ARHGAP29: variants seen among roughly 807,000 people sequenced by gnomAD.
The protein encoded by ARHGAP29 is Rho GTPase activating protein 29.
ARHGAP29 carries 43 observed loss-of-function variants against 122.6 expected under a neutral mutation model. The ratio of observed to expected loss-of-function variants is 0.35; its 90% CI spans 0.27 to 0.45. The LOEUF is 0.45. Ranked by LOEUF, ARHGAP29 falls within the 20% of genes least tolerant of loss-of-function variation. The pLI is 1.00. For synonymous variants in ARHGAP29, 506 were observed against 497.1 expected (o/e 1.02, Z -0.24); for missense variants, 1,303 against 1,477.2 (o/e 0.88, Z 1.93).
At chr1:94,257,046 T>A (rs1557891651) in intron 1 of ARHGAP29, among the ~76,000 whole-genome samples, 2 of 152,028 alleles carry the variant, frequency 1.3e-5, no homozygotes, top group Admixed American at 6.5e-5. Flanking sequence ...AAATTAAGAA[T>A]TTTCAAAGAA....
At chr1:94,271,526 T>A (rs1428898633) in intron 1 of ARHGAP29, among the ~76,000 whole-genome samples, 1 of 152,192 alleles carries the variant, frequency 6.6e-6, no homozygotes, top group East Asian at 1.9e-4. Context: ...GGAGCCAGAT[T>A]AGAAACTGTC....
At chr1:94,218,554 C>T (rs1652094805) in intron 3 of ARHGAP29, among the ~76,000 whole-genome samples, 1 of 152,152 alleles carries the variant, frequency 6.6e-6, no homozygotes, top group Non-Finnish European at 1.5e-5. Context: ...AACTAGGTCG[C>T]TATTTCCAAG....
chr1:94,288,674 A>G, the ARHGAP29 span, among the ~76,000 whole-genome samples: 2 of 152,268 alleles, frequency 1.3e-5, no homozygotes, highest in East Asian at 1.9e-4. Flanking sequence ...TAATTTTTGT[A>G]TAAGGTGTAA....
the ARHGAP29 span, among the ~76,000 whole-genome samples, chr1:94,296,848 A>C: frequency 6.6e-6 from 1 of 152,248 alleles, no homozygotes; most frequent in Non-Finnish European, 1.5e-5. Flanking sequence ...TTGAGATTCA[A>C]GTCTCAAATA....
At chr1:94,282,174 C>T in the ARHGAP29 span, among the ~76,000 whole-genome samples, 1 of 149,744 alleles carries the variant, frequency 6.7e-6, no homozygotes, top group Non-Finnish European at 1.5e-5. Context: ...GAGCCCACAA[C>T]CTTGTCTTTT....
intron 5 of ARHGAP29, among the ~76,000 whole-genome samples, chr1:94,208,467 T>C (rs1557862478): frequency 2.0e-5 from 3 of 149,976 alleles, no homozygotes. Flanking sequence ...CAATTTTTCT[T>C]TTTTTTTTTG....
chr1:94,299,662 A>G, the ARHGAP29 span, among the ~76,000 whole-genome samples: 1 of 152,122 alleles, frequency 6.6e-6, no homozygotes, highest in Non-Finnish European at 1.5e-5. Flanking sequence ...TTGTATTCCC[A>G]TGTCCACAGC....
upstream of ARHGAP29, chr1:94,237,650 G>A: frequency 1.0e-6 from 1 of 986,434 alleles, no homozygotes; most frequent in Non-Finnish European, 1.2e-6. Flanking sequence ...CCCGCCCCCT[G>A]GAGCCCAGCC....
chr1:94,231,545 C>T lies in ARHGAP29; in HGVS notation c.67G>A (p.Asp23Asn). ...RAWASGQLST[D>N]ITTSEMGLKS... ...AGCCCCATTTCAGAAGTTGTAATAT[C>T]AGTAGAGAGTTGACCTGATGCCCAA... Residue 23 changes from aspartate to asparagine, a missense_variant, in exon 2 of 23, where the codon GAT becomes AAT. Coordinates refer to ENST00000260526, the MANE Select transcript of ARHGAP29 (RefSeq NM_004815.4). The T allele has an allele frequency of 6.2e-7, 1 of 1,613,762 alleles. No individual in the cohort carries two copies. The highest frequency in any genetic ancestry group is 1.1e-5 in the South Asian group (1 of 91,060).
chr1:94,186,356 G>T, intron 16 of ARHGAP29, 143 bp downstream of exon 16: 3 of 527,834 alleles, frequency 5.7e-6, no homozygotes, highest in African/African-American at 2.0e-5. Flanking sequence ...ATAATTGTTG[G>T]GATATATTTA....
At chr1:94,284,269 TTTAAA>T in the ARHGAP29 span, among the ~76,000 whole-genome samples, 2 of 152,218 alleles carry the variant, frequency 1.3e-5, no homozygotes, top group Non-Finnish European at 2.9e-5. Context: ...TTAAATAGAA[TTTAAA>T]TTGAAATAGC....
intron 1 of ARHGAP29, among the ~76,000 whole-genome samples, chr1:94,274,664 A>C (rs571381981): frequency 1.3e-5 from 2 of 152,336 alleles, no homozygotes; most frequent in South Asian, 4.1e-4. Context: ...TACCAAGAAA[A>C]CATAGCAAAA....
Position 94,174,698 on chromosome 1 carries a change from A to G in ARHGAP29, c.2957T>C (p.Ile986Thr), listed in dbSNP as rs142506942. The stretch of plus-strand genomic sequence containing the variant: ...TGGCTTAGGGGTTTTACCATCTTCT[A>G]TCTTTTGGGATGCTGATTCAGCCTC... Reference protein sequence around the residue: ...DQEAESASQKIEDGKTPKPLS... With the variant: ...DQEAESASQKTEDGKTPKPLS... Residue 986 changes from isoleucine to threonine, a missense_variant, in exon 23 of 23, where the codon ATA (isoleucine) becomes ACA (threonine). Transcript: ENST00000260526. 235 of 1,614,082 alleles carry G rather than the reference A, an allele frequency of 1.5e-4. No individual in the cohort carries two copies. The African/African-American group carries it at 2.4e-3, about 17-fold the overall frequency.
At chr1:94,184,775 A>C in intron 18 of ARHGAP29, 97 bp downstream of exon 18, 1 of 1,059,136 alleles carries the variant, frequency 9.4e-7, no homozygotes, top group Non-Finnish European at 1.3e-6. Context: ...AAAACAAAAA[A>C]AACCCCTGAG....
chr1:94,190,860 T>C (rs940852327), intron 12 of ARHGAP29: 3 of 152,056 alleles, frequency 2.0e-5, no homozygotes, highest in African/African-American at 7.2e-5. Context: ...TACTGAAAAA[T>C]GCTATAAATA....
chr1:94,231,248 T>C (rs910211358), intron 2 of ARHGAP29, among the ~76,000 whole-genome samples, 159 bp downstream of exon 2: 1 of 152,064 alleles, frequency 6.6e-6, no homozygotes, highest in East Asian at 1.9e-4. Context: ...GATTATAAAA[T>C]AGTTTACACT....
the ARHGAP29 span, among the ~76,000 whole-genome samples, chr1:94,304,648 C>T: frequency 1.3e-5 from 2 of 152,220 alleles, no homozygotes; most frequent in African/African-American, 4.8e-5. Flanking sequence ...GTATCTATTG[C>T]TGCTTTAAAT....
intron 8 of ARHGAP29, 95 bp from the exon 9 acceptor site, chr1:94,203,305 T>A: frequency 2.5e-6 from 2 of 816,292 alleles, no homozygotes; most frequent in Non-Finnish European, 3.6e-6. Flanking sequence ...AAACTAAGTT[T>A]AGACTTTTGC....
Position 94,199,119 on chromosome 1 carries a change from A to G in ARHGAP29, c.1281+2601T>C, listed in dbSNP as rs111646557. Among the ~76,000 whole-genome samples, 298 of 152,302 alleles carry G rather than the reference A, an allele frequency of 2.0e-3. 2 individuals are homozygous for G. The highest frequency in any genetic ancestry group is 6.9e-3 in the African/African-American group (287 of 41,568). On this transcript the variant is annotated intron_variant, in intron 12 of 22. Transcript: ENST00000260526. ...GGCTGGGCACTGGGGGAGGGATAGC[A>G]TTAGGAGAAACACCTAATGTAAATG... is the stretch of plus-strand genomic sequence containing the variant.
Sources: allele counts gnomAD v4.1 joint callset (sites outside exome capture counted in the v4.1 genomes callset), GRCh38; gene constraint gnomAD v4.1.1; transcripts MANE v1.5; gene names NCBI Gene and HGNC (gene_info 2026-07-23, HGNC 2026-07-21).